Variants in PASK observed in about 807,000 individuals in gnomAD.
The protein encoded by PASK is PAS domain containing serine/threonine kinase.
In PASK, 110 loss-of-function variants were observed where a neutral mutation model predicts 121.0. The observed-to-expected ratio is 0.91, with a 90% CI of 0.78 to 1.06. The LOEUF is 1.06. Ranked by LOEUF, PASK falls within the 50% of genes least tolerant of loss-of-function variation. The probability of loss-of-function intolerance (pLI) is 0.00; values close to 1 mark genes in which losing one functional copy is unlikely to be tolerated. For synonymous variants in PASK, 686 were observed against 717.8 expected (o/e 0.96, Z 0.71); for missense variants, 1,643 against 1,702.3 (o/e 0.97, Z 0.61).
At chr2:241,124,923 T>C (rs2065786139) in intron 10 of PASK, among the ~76,000 whole-genome samples, 1 of 152,114 alleles carries the variant, frequency 6.6e-6, no homozygotes, top group Non-Finnish European at 1.5e-5. Flanking sequence ...TCTCAGCACT[T>C]TGGGAGGCCG....
intron 12 of PASK, among the ~76,000 whole-genome samples, chr2:241,118,523 A>G (rs6727821): frequency 0.29 from 44,711 of 152,128 alleles, 9,157 homozygotes; most frequent in East Asian, 0.56. Context: ...CTCACACCAC[A>G]CACAAAAATT....
intron 12 of PASK, among the ~76,000 whole-genome samples, chr2:241,118,182 T>C (rs1457961586): frequency 6.7e-6 from 1 of 148,656 alleles, no homozygotes; most frequent in Admixed American, 6.7e-5. Flanking sequence ...AAGTGAAAAA[T>C]GGCCAAAACA....
intron 8 of PASK, among the ~76,000 whole-genome samples, chr2:241,135,453 G>A (rs2066366625): frequency 6.6e-6 from 1 of 152,124 alleles, no homozygotes; most frequent in Non-Finnish European, 1.5e-5. Context: ...AAAAGAATCT[G>A]TGTATAAGTG....
rs761254378 is a variant in PASK at position 241,127,052 on chromosome 2, C to A, written c.1863G>T (p.Trp621Cys). Residue 621 changes from tryptophan to cysteine, a missense_variant, in exon 10 of 18, where the codon TGG (tryptophan) becomes TGT (cysteine). Around this residue, in one of 3 missense-constraint regions of PASK, gnomAD observed 1,176 missense variants for 1,162.2 expected, o/e 1.01. Transcript: ENST00000234040. ...GGCTGGGGGCCAAGTCCTGGCTTCG[C>A]CACCACAAGCCCCATTCACTCCCAT... ...PCYGSEWGLW[W>C]RSQDLAPSPS... is the part of the protein sequence containing the mutation. 3.7e-6 allele frequency: 6 copies of A among 1,614,012 alleles called. No homozygotes were observed. Among genetic ancestry groups the A allele is most frequent in the East Asian group, 2.2e-5 (1 of 44,886 alleles).
chr2:241,121,347 C>T (rs901489469), intron 12 of PASK, among the ~76,000 whole-genome samples: 1 of 152,114 alleles, frequency 6.6e-6, no homozygotes, highest in Admixed American at 6.5e-5. Flanking sequence ...TGAACTATAT[C>T]TCAATACCGA....
At position 241,124,118 on chromosome 2, in the gene PASK, A is replaced by G; in HGVS notation, c.2735T>C (p.Val912Ala). 1 of 1,613,958 alleles carries G rather than the reference A, an allele frequency of 6.2e-7. No individual in the cohort carries two copies. Among genetic ancestry groups the G allele is most frequent in the Non-Finnish European group, 8.5e-7 (1 of 1,179,952 alleles). ...DGLRLSIQFEVRRVELQGPTP... is the reference protein window; with the variant it reads ...DGLRLSIQFEARRVELQGPTP... ...GGGGCCCTGGAGCTCCACCCGCCTC[A>G]CCTCAAACTGTATACCTGAAGGGTG... is the stretch of plus-strand genomic sequence containing the variant. The change falls in exon 11 of 18, where the codon GTG (valine) becomes GCG (alanine). Residue 912 changes from valine (V) to alanine (A), a missense_variant. By Grantham distance (64) the Val-to-Ala change is moderately conservative (BLOSUM62 0). Around this residue, in one of 3 missense-constraint regions of PASK, gnomAD observed 14 missense variants for 28.9 expected, o/e 0.48. Coordinates refer to ENST00000234040, the MANE Select transcript of PASK (RefSeq NM_015148.4).
chr2:241,106,385 T>C lies in PASK; in HGVS notation c.*181A>G, dbSNP rs537352333. Reference sequence around the variant, plus strand: ...ATGAAAAAAGTGAATTCCAAATCTATGTAATAAATCTAAAATAATACAGCA... The same window carrying C: ...ATGAAAAAAGTGAATTCCAAATCTACGTAATAAATCTAAAATAATACAGCA... On this transcript the variant is annotated 3_prime_UTR_variant, in exon 18 of 18. Coordinates refer to ENST00000234040, the MANE Select transcript of PASK (RefSeq NM_015148.4). 8.5e-5 allele frequency: 59 copies of C among 692,236 alleles called. No homozygotes were observed. The African/African-American group carries it at 1.0e-3, about 12-fold the overall frequency. 42.9% of individuals were successfully genotyped at this position (692,236 alleles called of 1,614,324 possible).
In PASK at chr2:241,148,938, G is replaced by A. The variant is rs2067120510; in HGVS notation, c.-43+476C>T. On this transcript the variant is annotated intron_variant, in intron 1 of 17. Coordinates refer to ENST00000234040, the MANE Select transcript of PASK (RefSeq NM_015148.4). ...TGAAAAAATTAAGGCTCAAGTCCAGGTCTTTGCTGTAACCACGAGCGCCGG... is the reference window on the plus strand; with the variant it reads ...TGAAAAAATTAAGGCTCAAGTCCAGATCTTTGCTGTAACCACGAGCGCCGG... Among the ~76,000 whole-genome samples the A allele has an allele frequency of 4.6e-5, 7 of 152,076 alleles. No individual in the cohort carries two copies. In the South Asian group the frequency reaches 1.4e-3, roughly 31 times the overall value.
chr2:241,108,229 G>A lies in PASK; in HGVS notation c.3605C>T (p.Pro1202Leu). 1 of 1,613,982 alleles carries A rather than the reference G, an allele frequency of 6.2e-7. No homozygotes were observed. Among genetic ancestry groups the A allele is most frequent in the Non-Finnish European group, 8.5e-7 (1 of 1,179,878 alleles). ...TLYTLVFEENPFCELEETVEA... is the reference protein window; with the variant it reads ...TLYTLVFEENLFCELEETVEA... ...CACGGTCTCCTCCAGCTCACAGAAG[G>A]GGTTCTCCTCAAAGACCAGCGTGTA... The change falls in exon 16 of 18, where the codon CCC becomes CTC. Residue 1202 changes from proline (P) to leucine (L), a missense_variant. Physicochemically the swap from Pro to Leu is moderately conservative, Grantham distance 98 (BLOSUM62 -3). Around this residue, in one of 3 missense-constraint regions of PASK, gnomAD observed 453 missense variants for 511.2 expected, o/e 0.89. Transcript: ENST00000234040. This position sits in a 1 kb window ranked among gnomAD's most constrained non-coding sequence, Gnocchi z 5.2.
At chr2:241,117,119 G>A (rs553462041) in intron 12 of PASK, among the ~76,000 whole-genome samples, 1 of 151,112 alleles carries the variant, frequency 6.6e-6, no homozygotes, top group South Asian at 2.1e-4. Context: ...CATCGGGAGG[G>A]CATCGGGGCC....
At chr2:241,110,105 ACG>A (rs939833525) in intron 15 of PASK, among the ~76,000 whole-genome samples, 48 of 152,372 alleles carry the variant, frequency 3.2e-4, no homozygotes, top group African/African-American at 1.1e-3. Context: ...TATCCAGAAA[ACG>A]CAATCAAATT....
chr2:241,114,872 C>T, intron 14 of PASK, 171 bp downstream of exon 14: 10 of 1,517,712 alleles, frequency 6.6e-6, no homozygotes, highest in Non-Finnish European at 8.8e-6. Context: ...TTCTCTACTT[C>T]AATCATAGAA....
chr2:241,149,895 C>G (rs988487502), upstream of PASK: 1 of 1,441,062 alleles, frequency 6.9e-7, no homozygotes, highest in Non-Finnish European at 9.1e-7. Context: ...AGCGGCCCCA[C>G]CAGCGCAAGT....
At chr2:241,141,372 T>C (rs2066690875) in intron 2 of PASK, among the ~76,000 whole-genome samples, 1 of 152,162 alleles carries the variant, frequency 6.6e-6, no homozygotes, top group Non-Finnish European at 1.5e-5. Context: ...CCATGGCCAC[T>C]CCGGTGGCTG....
intron 4 of PASK, 108 bp downstream of exon 4, chr2:241,139,776 TG>T: frequency 9.6e-7 from 1 of 1,044,316 alleles, no homozygotes; most frequent in Non-Finnish European, 1.5e-6. Flanking sequence ...TGAGATGTCC[TG>T]GTGCCACCCA....
At chr2:241,114,175 C>T (rs567013565) in intron 14 of PASK, 28 of 982,302 alleles carry the variant, frequency 2.9e-5, no homozygotes, top group Admixed American at 6.3e-5. Flanking sequence ...CCTTCCAACA[C>T]AGGAAGAGGG....
At position 241,135,723 on chromosome 2, in the gene PASK, A is replaced by C. The variant is rs994964372; in HGVS notation, c.1306+148T>G. On this transcript the variant is annotated intron_variant, in intron 8 of 17. Transcript: ENST00000234040. ...GAGACAGAGAGGAACATCAAACCAGAAAACAGTCACCCCCTACTCCGCCCC... is the reference window on the plus strand; with the variant it reads ...GAGACAGAGAGGAACATCAAACCAGCAAACAGTCACCCCCTACTCCGCCCC... 3 of 636,358 alleles carry C rather than the reference A, an allele frequency of 4.7e-6. No individual in the cohort carries two copies. The East Asian group carries it at 8.1e-5, about 17-fold the overall frequency. The allele number at this position is 636,358 out of a possible 1,614,324, so 39.4% of individuals were successfully genotyped here.
At chr2:241,149,798 G>T (rs2067198998), upstream of PASK, 18 of 1,533,960 alleles carry the variant, frequency 1.2e-5, no homozygotes, top group South Asian at 2.0e-4. Context: ...GGCTCCGCAG[G>T]GTAGACGAAG....
Position 241,126,941 on chromosome 2 carries a change from C to G in PASK, c.1974G>C (p.Gln658His). The G allele has an allele frequency of 6.2e-7, 1 of 1,614,230 alleles. No homozygotes were observed. Among genetic ancestry groups the G allele is most frequent in the Non-Finnish European group, 8.5e-7 (1 of 1,180,048 alleles). ...LGVENDREEL[Q>H]TCLIKEQLSQ... ...ACAGCTGCTCCTTAATCAAGCAGGT[C>G]TGCAGCTCTTCTCGGTCGTTTTCCA... The change falls in exon 10 of 18, where the codon CAG becomes CAC. Residue 658 changes from glutamine to histidine, a missense_variant. This residue lies in a region of PASK where 1,176 missense variants were observed against 1,162.2 expected (regional missense o/e 1.01). Coordinates refer to ENST00000234040, the MANE Select transcript of PASK (RefSeq NM_015148.4).
Sources: gnomAD v4.1 joint callset for allele counts (sites outside exome capture counted in the v4.1 genomes callset) on GRCh38, gnomAD v4.1.1 for gene constraint, gnomAD v4.1.1 regional missense constraint, Gnocchi (gnomAD v3.1) non-coding constraint, MANE v1.5 for transcripts, NCBI Gene and HGNC (gene_info 2026-07-23, HGNC 2026-07-21) for gene names.